Variants in CHST15 observed in about 807,000 individuals in gnomAD.
CHST15 encodes the protein carbohydrate sulfotransferase 15.
Under a neutral mutation model 53.6 loss-of-function variants are expected in CHST15, and 30 were observed. The ratio of observed to expected loss-of-function variants is 0.56; its 90% CI spans 0.42 to 0.76. CHST15 has a LOEUF of 0.76. Ranked by LOEUF, CHST15 falls within the 30% of genes least tolerant of loss-of-function variation. CHST15 has a pLI of 0.00. For synonymous variants in CHST15, 296 were observed against 289.8 expected, an observed-to-expected ratio of 1.02 and a Z score of -0.22; for missense variants, 627 against 740.5, an observed-to-expected ratio of 0.85 and a Z score of 1.78.
intron 4 of CHST15, 51 bp from the exon 5 acceptor site, chr10:124,038,722 C>T (rs368755712): frequency 8.2e-6 from 13 of 1,594,928 alleles, no homozygotes; most frequent in African/African-American, 2.7e-5. Context: ...CAGGCTCCCA[C>T]GGAGTGGCTC....
chr10:124,037,369 A>G (rs993607495), intron 5 of CHST15, among the ~76,000 whole-genome samples: 5 of 152,214 alleles, frequency 3.3e-5, no homozygotes, highest in Non-Finnish European at 7.3e-5. Flanking sequence ...CTGTTTTGGA[A>G]GGATTAGACT....
At chr10:124,071,981 C>T (rs1405743585) in intron 1 of CHST15, among the ~76,000 whole-genome samples, 2 of 152,222 alleles carry the variant, frequency 1.3e-5, no homozygotes, top group African/African-American at 2.4e-5. Flanking sequence ...GCTCCTGGAG[C>T]GTGAGATCTG....
Position 124,010,947 on chromosome 10 carries a change from C to T in CHST15, c.1496-608G>A, listed in dbSNP as rs1440370927. Reference sequence around the variant, plus strand: ...GGGAGAAGAGGCCTGCCGGCAAGGGCTGTCAGTCACCCCCACGCCCCGCCC... The same window carrying T: ...GGGAGAAGAGGCCTGCCGGCAAGGGTTGTCAGTCACCCCCACGCCCCGCCC... On this transcript the variant is annotated intron_variant, in intron 7 of 7. Transcript: ENST00000435907. 6.1e-6 allele frequency: 6 copies of T among 985,278 alleles called. No individual in the cohort carries two copies. In the African/African-American group the frequency reaches 1.0e-4, roughly 17 times the overall value. The allele number at this position is 985,278 out of a possible 1,614,324, so 61.0% of individuals were successfully genotyped here.
intron 6 of CHST15, chr10:124,020,965 TG>T: frequency 7.2e-7 from 1 of 1,395,516 alleles, no homozygotes; most frequent in Admixed American, 3.3e-5. Context: ...TTCTAATTGC[TG>T]GGTGTCTTGC....
At chr10:124,062,556 C>A (rs887008090) in intron 1 of CHST15, among the ~76,000 whole-genome samples, 1 of 152,050 alleles carries the variant, frequency 6.6e-6, no homozygotes, top group Non-Finnish European at 1.5e-5. Flanking sequence ...CGGGAAAATC[C>A]CCACAAAAAT....
intron 1 of CHST15, among the ~76,000 whole-genome samples, chr10:124,054,076 C>T (rs1948296157): frequency 6.6e-6 from 1 of 152,188 alleles, no homozygotes; most frequent in Non-Finnish European, 1.5e-5. Context: ...CACTGCCCCA[C>T]ACTCCCCCAC....
intron 5 of CHST15, among the ~76,000 whole-genome samples, chr10:124,023,293 C>T (rs1032471697): frequency 6.6e-6 from 1 of 151,858 alleles, no homozygotes; most frequent in Admixed American, 6.6e-5. Flanking sequence ...AAGTCCAGCC[C>T]AGGCAACATA....
rs1947482211 is a variant in CHST15, at chr10:124,036,030, T to C, written c.1190+2485A>G. Among the ~76,000 whole-genome samples, 1 of 152,224 alleles carries C rather than the reference T, an allele frequency of 6.6e-6. No individual in the cohort carries two copies. Among genetic ancestry groups the C allele is most frequent in the South Asian group, 2.1e-4 (1 of 4,830 alleles). ...GGCTGCTGTGTGCACTCTCGGCCCC[T>C]GAGGTTAAGGCGTGGTCTGACCTTT... On this transcript the variant is annotated intron_variant, in intron 5 of 7. Transcript: ENST00000435907. This position sits in a 1 kb window ranked among gnomAD's most constrained non-coding sequence, Gnocchi z 5.1.
At chr10:124,057,389 T>A (rs984108894) in intron 1 of CHST15, among the ~76,000 whole-genome samples, 2 of 152,204 alleles carry the variant, frequency 1.3e-5, no homozygotes, top group African/African-American at 4.8e-5. Flanking sequence ...TTCTCCAGAT[T>A]AGTGGCCCAC....
intron 2 of CHST15, among the ~76,000 whole-genome samples, 171 bp downstream of exon 2, chr10:124,045,496 A>C (rs114924290): frequency 2.4e-3 from 369 of 152,352 alleles, no homozygotes; most frequent in African/African-American, 8.6e-3. Flanking sequence ...AGCGTAAGCA[A>C]ACAGCACTCT....
In CHST15 at chr10:124,044,626, C is replaced by T; in HGVS notation, c.840G>A (p.Lys280=). Residue 280 remains lysine, a synonymous_variant, in exon 3 of 8, where the codon AAG becomes AAA. Transcript: ENST00000435907. The stretch of plus-strand genomic sequence containing the variant: ...AGTGTGGCTCCTTGATGGCGGAGAA[C>T]TTGACCTCAGGGTGCAGCCGCAGGC... The part of the protein sequence containing the change: ...YDRLRLHPEV[K]FSAIKEPHWW... The T allele has an allele frequency of 1.9e-6, 3 of 1,588,918 alleles. No homozygotes were observed.
chr10:124,065,789 C>CGTTTT (rs928048716), intron 1 of CHST15, among the ~76,000 whole-genome samples: 2 of 152,080 alleles, frequency 1.3e-5, no homozygotes, highest in African/African-American at 4.8e-5. Context: ...TTGTTTTTTC[C>CGTTTT]GTTTTGTTTT....
chr10:124,009,074 A>T lies in CHST15; in HGVS notation c.*1075T>A. 7.8e-7 allele frequency: 1 copy of T among 1,282,072 alleles called. No homozygotes were observed. Among genetic ancestry groups the T allele is most frequent in the South Asian group, 1.2e-5 (1 of 80,748 alleles). 79.4% of individuals were successfully genotyped at this position (1,282,072 alleles called of 1,614,324 possible). A position where few individuals can be genotyped will look rare whatever the true frequency, so the allele number is the denominator to read the frequency against. ...CCTTGCTGGGTGAGGAACTTTGACC[A>T]CACGCAGTGGAGAATGTGGAAATAA... On this transcript the variant is annotated 3_prime_UTR_variant, in exon 8 of 8. Transcript: ENST00000435907.
intron 4 of CHST15, among the ~76,000 whole-genome samples, chr10:124,039,385 AAGG>A (rs1947648567): frequency 6.6e-6 from 1 of 152,198 alleles, no homozygotes; most frequent in Admixed American, 6.5e-5. Context: ...CGTCAGGAGA[AAGG>A]AGGAGGGTGG....
intron 6 of CHST15, chr10:124,020,800 T>C (rs1031120996): frequency 1.1e-5 from 12 of 1,139,392 alleles, no homozygotes; most frequent in Non-Finnish European, 1.1e-5. Context: ...AGAGATACGA[T>C]TGAGGAATCA....
chr10:124,020,194 C>T (rs761059830), intron 6 of CHST15: 2 of 985,472 alleles, frequency 2.0e-6, no homozygotes, highest in South Asian at 4.7e-5. Flanking sequence ...CCCATCACAA[C>T]AGCCTGGTAC....
chr10:124,038,614 T>C lies in CHST15; in HGVS notation c.1091A>G (p.Asn364Ser). The part of the protein sequence containing the change: ...DNNAWTFFYD[N>S]STDGEPPFLT... ...AAACGGTGGCTCGCCATCCGTGCTG[T>C]TGTCGTAGAAGAACGTCCAGGCATT... Residue 364 changes from asparagine (N) to serine (S), a missense_variant, in exon 5 of 8, where the codon AAC becomes AGC. Physicochemically the swap from Asn to Ser is conservative, Grantham distance 46. This residue lies in a region of CHST15 where 279 missense variants were observed against 371.6 expected (regional missense o/e 0.75). Coordinates refer to ENST00000435907, the MANE Select transcript of CHST15 (RefSeq NM_001270764.2). 6.2e-7 allele frequency: 1 copy of C among 1,614,064 alleles called. No homozygotes were observed. Among genetic ancestry groups the C allele is most frequent in the Non-Finnish European group, 8.5e-7 (1 of 1,180,006 alleles).
intron 1 of CHST15, among the ~76,000 whole-genome samples, chr10:124,050,701 G>A (rs1200971176): frequency 6.6e-6 from 1 of 152,204 alleles, no homozygotes; most frequent in Non-Finnish European, 1.5e-5. Context: ...AGGGGACGTT[G>A]GAGGAGAAAC....
chr10:124,050,784 T>G (rs79833208), intron 1 of CHST15, among the ~76,000 whole-genome samples: 4,690 of 151,740 alleles, frequency 0.031, 285 homozygotes, highest in East Asian at 0.21. Context: ...CTGTGGGGAG[T>G]CCCAGCCCAT....
Sources: allele counts gnomAD v4.1 joint callset (sites outside exome capture counted in the v4.1 genomes callset), GRCh38; gene constraint gnomAD v4.1.1; regional missense constraint gnomAD v4.1.1; non-coding constraint Gnocchi (gnomAD v3.1); transcripts MANE v1.5; gene names NCBI Gene and HGNC (gene_info 2026-07-23, HGNC 2026-07-21).